SLC25A48: variants seen among roughly 807,000 people sequenced by gnomAD.
The protein encoded by SLC25A48 is CTC-321K16.1.
Under a neutral mutation model 32.2 loss-of-function variants are expected in SLC25A48, and 29 were observed. The ratio of observed to expected loss-of-function variants is 0.90; its 90% CI spans 0.67 to 1.23. SLC25A48 has a LOEUF of 1.23. Ranked by LOEUF, SLC25A48 falls within the 50% of genes most tolerant of loss-of-function variation. The pLI is 0.00. For missense variants in SLC25A48, 399 were observed against 422.7 expected, an observed-to-expected ratio of 0.94 and a Z score of 0.49; for synonymous variants, 164 against 172.3, an observed-to-expected ratio of 0.95 and a Z score of 0.38.
At chr5:135,715,942 G>A (rs1038939069) in intron 3 of SLC25A48, among the ~76,000 whole-genome samples, 2 of 152,130 alleles carry the variant, frequency 1.3e-5, no homozygotes, top group African/African-American at 4.8e-5. Context: ...GCTCCACTTT[G>A]TATTTCCTGG....
intron 7 of SLC25A48, 143 bp downstream of exon 7, chr5:135,880,240 C>G (rs1762368731): frequency 4.9e-6 from 6 of 1,215,720 alleles, no homozygotes; most frequent in Non-Finnish European, 6.7e-6. Context: ...GGCTGCCACC[C>G]TTTTCGTCAC....
intron 4 of SLC25A48, among the ~76,000 whole-genome samples, chr5:135,822,457 C>T (rs1478569799): frequency 6.6e-6 from 1 of 152,192 alleles, no homozygotes; most frequent in Admixed American, 6.5e-5. Context: ...TTCCTTCATG[C>T]CTCCCTCCTA....
intron 1 of SLC25A48, among the ~76,000 whole-genome samples, chr5:135,591,284 G>A (rs1282810682): frequency 2.0e-5 from 3 of 152,248 alleles, no homozygotes; most frequent in Non-Finnish European, 4.4e-5. Context: ...GAGACCCAGA[G>A]CAGAGAAGGG....
At chr5:135,640,735 AAAG>A (rs1313070431) in intron 3 of SLC25A48, among the ~76,000 whole-genome samples, 121 of 152,282 alleles carry the variant, frequency 7.9e-4, no homozygotes, top group African/African-American at 2.7e-3. Flanking sequence ...AAAGAACAAA[AAAG>A]AAAAACCATA....
chr5:135,859,990 A>G (rs556157386), intron 4 of SLC25A48, among the ~76,000 whole-genome samples: 9 of 152,242 alleles, frequency 5.9e-5, no homozygotes, highest in Admixed American at 2.6e-4. Flanking sequence ...TCTCCTCCAT[A>G]CCTTAGCAGA....
intron 4 of SLC25A48, among the ~76,000 whole-genome samples, chr5:135,854,690 G>C (rs753013381): frequency 2.0e-5 from 3 of 152,170 alleles, no homozygotes; most frequent in Non-Finnish European, 4.4e-5. Context: ...CTTCATACCA[G>C]CAATAAGGAT....
chr5:135,580,833 T>A (rs1446182557), intron 1 of SLC25A48, among the ~76,000 whole-genome samples: 1 of 152,192 alleles, frequency 6.6e-6, no homozygotes, highest in African/African-American at 2.4e-5. Flanking sequence ...ACACATGGGA[T>A]CAGGCTGCAT....
intron 3 of SLC25A48, among the ~76,000 whole-genome samples, chr5:135,670,713 G>A (rs533260556): frequency 3.3e-5 from 5 of 152,266 alleles, no homozygotes; most frequent in African/African-American, 9.6e-5. Context: ...CGGTAGAGCT[G>A]GGAGGAAGCA....
intron 1 of SLC25A48, among the ~76,000 whole-genome samples, chr5:135,623,445 T>A (rs1435298594): frequency 6.6e-6 from 1 of 152,168 alleles, no homozygotes; most frequent in Non-Finnish European, 1.5e-5. Context: ...GATACCAACA[T>A]GTCTGGGGAA....
At chr5:135,620,197 A>G (rs1244233510) in intron 1 of SLC25A48, among the ~76,000 whole-genome samples, 1 of 152,150 alleles carries the variant, frequency 6.6e-6, no homozygotes, top group Admixed American at 6.5e-5. Context: ...GCTGCCCACT[A>G]TGTTGGTGGC....
chr5:135,752,526 A>T (rs1755794568), intron 3 of SLC25A48, among the ~76,000 whole-genome samples: 1 of 152,040 alleles, frequency 6.6e-6, no homozygotes, highest in Admixed American at 6.6e-5. Flanking sequence ...CCATGATATT[A>T]CAAGTAATAT....
chr5:135,731,997 G>T (rs1451151474), intron 3 of SLC25A48, among the ~76,000 whole-genome samples: 1 of 152,270 alleles, frequency 6.6e-6, no homozygotes, highest in Non-Finnish European at 1.5e-5. Context: ...GTCCAAGTTG[G>T]GCTGGTGTCT....
intron 4 of SLC25A48, among the ~76,000 whole-genome samples, chr5:135,819,422 A>G (rs1757823001): frequency 1.3e-5 from 2 of 152,244 alleles, no homozygotes; most frequent in Middle Eastern, 3.2e-3. Context: ...ATAGTGCTCA[A>G]CAAAACAGGA....
At chr5:135,581,227 A>T (rs963437615) in intron 1 of SLC25A48, among the ~76,000 whole-genome samples, 18 of 152,246 alleles carry the variant, frequency 1.2e-4, no homozygotes, top group African/African-American at 3.9e-4. Context: ...GTATTCCGTC[A>T]TACAGATGTA....
Position 135,798,360 on chromosome 5 carries a change from G to C in SLC25A48, c.-520-14163G>C, listed in dbSNP as rs531903558. On this transcript the variant is annotated intron_variant, in intron 3 of 10. Transcript: ENST00000646290. ...ATTGTTCCTAATATCCAGAGAGGGA[G>C]AGAATGTTCTTACTCCCAATATCAT... is the stretch of plus-strand genomic sequence containing the variant. 4.6e-5 allele frequency among the ~76,000 whole-genome samples: 7 copies of C among 151,706 alleles called. No homozygotes were observed. In the South Asian group the frequency reaches 1.5e-3, roughly 31 times the overall value.
chr5:135,659,766 G>A (rs1274166376), intron 3 of SLC25A48, among the ~76,000 whole-genome samples: 4 of 152,208 alleles, frequency 2.6e-5, no homozygotes, highest in African/African-American at 9.7e-5. Context: ...AAGGTGAAGA[G>A]GAAGCAAGCA....
At chr5:135,878,283 C>T (rs750421747) in intron 6 of SLC25A48, among the ~76,000 whole-genome samples, 5 of 152,180 alleles carry the variant, frequency 3.3e-5, no homozygotes, top group African/African-American at 9.6e-5. Context: ...GCCCTGGCTG[C>T]CTCCGCCTTG....
At chr5:135,830,105 C>A (rs1443131302), upstream of SLC25A48, among the ~76,000 whole-genome samples, 6 of 152,206 alleles carry the variant, frequency 3.9e-5, no homozygotes. Flanking sequence ...TGCTCTGGCA[C>A]CTCAGACTCC....
rs182526481 is a variant in SLC25A48 at position 135,714,401 on chromosome 5, G to T, written c.-521+79445G>T. 2.2e-3 allele frequency among the ~76,000 whole-genome samples: 342 copies of T among 152,242 alleles called. 1 individual carries two copies. Among genetic ancestry groups the T allele is most frequent in the African/African-American group, 7.9e-3 (329 of 41,536 alleles). The stretch of plus-strand genomic sequence containing the variant: ...TCTCTCCCCATGCAGTGCCCTCTCT[G>T]CCCTGTTCCACAGTCCTGGCCCATC... On this transcript the variant is annotated intron_variant, in intron 3 of 10. Coordinates refer to the SLC25A48 transcript ENST00000646290.
Sources: allele counts gnomAD v4.1 joint callset (sites outside exome capture counted in the v4.1 genomes callset), GRCh38; gene constraint gnomAD v4.1.1; transcripts MANE v1.5; gene names NCBI Gene and HGNC (gene_info 2026-07-23, HGNC 2026-07-21).